Variants in GFPT2 observed in about 807,000 individuals in gnomAD.
GFPT2 encodes glutamine--fructose-6-phosphate aminotransferase [isomerizing] 2.
A neutral mutation model predicts 85.6 loss-of-function variants in GFPT2; 62 were observed. The observed-to-expected ratio is 0.72, with a 90% CI of 0.59 to 0.90. The LOEUF is 0.90. GFPT2 is among the 40% of genes least tolerant of loss of function. The probability of loss-of-function intolerance (pLI) is 0.00; values close to 1 mark genes in which losing one functional copy is unlikely to be tolerated. For synonymous variants in GFPT2, 368 were observed against 344.5 expected, an observed-to-expected ratio of 1.07 and a Z score of -0.75; for missense variants, 788 against 893.4, an observed-to-expected ratio of 0.88 and a Z score of 1.50.
chr5:180,343,552 C>T (rs1350389653), intron 1 of GFPT2, among the ~76,000 whole-genome samples: 2 of 152,266 alleles, frequency 1.3e-5, no homozygotes, highest in Admixed American at 6.5e-5. Flanking sequence ...GACATCCCTT[C>T]GGTCACTTCT....
chr5:180,315,215 T>C (rs1763979580), intron 13 of GFPT2, among the ~76,000 whole-genome samples: 1 of 151,810 alleles, frequency 6.6e-6, no homozygotes, highest in African/African-American at 2.4e-5. Flanking sequence ...TCTCGCTCTG[T>C]CGCCCAGGCT....
At chr5:180,342,938 A>C (rs1561884317) in intron 1 of GFPT2, among the ~76,000 whole-genome samples, 2 of 152,034 alleles carry the variant, frequency 1.3e-5, no homozygotes, top group African/African-American at 4.8e-5. Flanking sequence ...AGAAAGAAAA[A>C]AACAACAACC....
chr5:180,335,771 C>T, intron 4 of GFPT2, 57 bp downstream of exon 4: 1 of 1,565,608 alleles, frequency 6.4e-7, no homozygotes, highest in South Asian at 1.2e-5. Context: ...CGGGCACTGG[C>T]CCTGACACAG....
chr5:180,328,409 T>C lies in GFPT2; in HGVS notation c.535-71A>G. 8.3e-7 allele frequency: 1 copy of C among 1,207,666 alleles called. No individual in the cohort carries two copies. The highest frequency in any genetic ancestry group is 1.2e-5 in the South Asian group (1 of 83,002). 74.8% of individuals were successfully genotyped at this position (1,207,666 alleles called of 1,614,324 possible). On this transcript the variant is annotated intron_variant, in intron 6 of 18. Coordinates refer to ENST00000253778, the MANE Select transcript of GFPT2 (RefSeq NM_005110.4). The surrounding 1 kb of genome is among the most constrained non-coding windows in gnomAD (Gnocchi z 5.4). ...TGCTGCAGCCTGGCCACAGCCCAGGTGCGTCTCCCTGGGCCCCTCCTGATG... is the reference window on the plus strand; with the variant it reads ...TGCTGCAGCCTGGCCACAGCCCAGGCGCGTCTCCCTGGGCCCCTCCTGATG...
chr5:180,349,478 A>G (rs1764669182), intron 1 of GFPT2, among the ~76,000 whole-genome samples: 1 of 152,196 alleles, frequency 6.6e-6, no homozygotes. Context: ...GCTATACCAT[A>G]AAGTTATAAA....
At chr5:180,305,052 A>G in intron 16 of GFPT2, 113 bp from the exon 17 acceptor site, 1 of 756,060 alleles carries the variant, frequency 1.3e-6, no homozygotes, top group Non-Finnish European at 2.3e-6. Flanking sequence ...GCAGAGAGCC[A>G]AGGGTTGCAA....
chr5:180,350,610 C>T (rs1324610653), intron 1 of GFPT2, among the ~76,000 whole-genome samples: 1 of 152,108 alleles, frequency 6.6e-6, no homozygotes, highest in East Asian at 1.9e-4. Flanking sequence ...CCACTAGTGG[C>T]TGAATGAAAA....
intron 7 of GFPT2, among the ~76,000 whole-genome samples, chr5:180,325,455 G>C (rs2127652549): frequency 6.6e-6 from 1 of 152,168 alleles, no homozygotes; most frequent in South Asian, 2.1e-4. Context: ...GTGGTTTTTT[G>C]TCTCTGCCAA....
At chr5:180,324,591 A>G in intron 8 of GFPT2, 1 of 592,222 alleles carries the variant, frequency 1.7e-6, no homozygotes, top group African/African-American at 1.9e-5. Context: ...TATGTTTGAC[A>G]ATATACAAAA....
Position 180,330,768 on chromosome 5 carries a change from C to A in GFPT2, c.466G>T (p.Val156Leu). ...TETIAKLIKYVFDNRETEDIT... is the reference protein window; with the variant it reads ...TETIAKLIKYLFDNRETEDIT... The stretch of plus-strand genomic sequence containing the variant: ...TCCTCAGTTTCTCTGTTGTCGAACA[C>A]ATATTTAATCAGCTTGGCGATGGTC... Residue 156 changes from valine to leucine, a missense_variant, in exon 6 of 19, where the codon GTG becomes TTG. Physicochemically the swap from Val to Leu is conservative, Grantham distance 32. Coordinates refer to ENST00000253778, the MANE Select transcript of GFPT2 (RefSeq NM_005110.4). This position sits in a 1 kb window ranked among gnomAD's most constrained non-coding sequence, Gnocchi z 4.4. The A allele has an allele frequency of 1.2e-6, 2 of 1,612,806 alleles. No homozygotes were observed. Among genetic ancestry groups the A allele is most frequent in the South Asian group, 1.1e-5 (1 of 91,064 alleles).
At chr5:180,329,391 A>G (rs1395556320) in intron 6 of GFPT2, among the ~76,000 whole-genome samples, 1 of 152,248 alleles carries the variant, frequency 6.6e-6, no homozygotes, top group East Asian at 1.9e-4. Context: ...TTCTCTGCCA[A>G]AAAGAGCCCG....
intron 1 of GFPT2, among the ~76,000 whole-genome samples, chr5:180,347,154 G>C (rs190530043): frequency 6.6e-6 from 1 of 152,380 alleles, no homozygotes; most frequent in Non-Finnish European, 1.5e-5. Context: ...GGGATTGAGA[G>C]GCCAGGAGAG....
At chr5:180,335,589 C>T (rs1000740672) in intron 4 of GFPT2, among the ~76,000 whole-genome samples, 2 of 152,262 alleles carry the variant, frequency 1.3e-5, no homozygotes, top group Non-Finnish European at 2.9e-5. Flanking sequence ...TAAGTGCCAT[C>T]GTTTTCCTGT....
intron 15 of GFPT2, among the ~76,000 whole-genome samples, chr5:180,309,692 A>C (rs1763841427): frequency 6.6e-6 from 1 of 152,252 alleles, no homozygotes; most frequent in East Asian, 1.9e-4. Flanking sequence ...GATTACAGGC[A>C]TGAGCCACCA....
At chr5:180,335,054 C>T (rs560354573) in intron 4 of GFPT2, among the ~76,000 whole-genome samples, 14 of 152,312 alleles carry the variant, frequency 9.2e-5, no homozygotes, top group African/African-American at 2.9e-4. Flanking sequence ...GGTGACTGGG[C>T]GAACAGGAGA....
Position 180,303,130 on chromosome 5 carries a change from T to C in GFPT2, c.1843-546A>G, listed in dbSNP as rs1763711634. On this transcript the variant is annotated intron_variant, in intron 17 of 18. Coordinates refer to ENST00000253778, the MANE Select transcript of GFPT2 (RefSeq NM_005110.4). ...CTGTAGTCCCAGCTACTGGGGAGGCTGAGGCAGGAGAATGGCGTGAACCTG... is the reference window on the plus strand; with the variant it reads ...CTGTAGTCCCAGCTACTGGGGAGGCCGAGGCAGGAGAATGGCGTGAACCTG... Among the ~76,000 whole-genome samples, 2 of 146,252 alleles carry C rather than the reference T, an allele frequency of 1.4e-5. 1 individual carries two copies. Among genetic ancestry groups the C allele is most frequent in the Non-Finnish European group, 3.0e-5 (2 of 65,640 alleles).
intron 1 of GFPT2, among the ~76,000 whole-genome samples, chr5:180,352,039 G>T (rs569401289): frequency 6.2e-4 from 94 of 152,212 alleles, no homozygotes; most frequent in Non-Finnish European, 9.6e-4. Flanking sequence ...TACACATGGA[G>T]AATGGCGTCT....
chr5:180,307,940 G>A (rs981857078), intron 15 of GFPT2, among the ~76,000 whole-genome samples: 9 of 152,068 alleles, frequency 5.9e-5, no homozygotes, highest in Non-Finnish European at 7.4e-5. Flanking sequence ...GTAAAACCCC[G>A]TCTCTACTAA....
Position 180,353,279 on chromosome 5 carries a change from T to C in GFPT2, c.-62A>G, listed in dbSNP as rs1764754140. On this transcript the variant is annotated 5_prime_UTR_variant, in exon 1 of 19. Coordinates refer to ENST00000253778, the MANE Select transcript of GFPT2 (RefSeq NM_005110.4). ...GGTCTGCCCGTTCGGACGCTGGGGC[T>C]CCTCCGTGGGCTCCTCCGTGGGCTC... The C allele has an allele frequency of 1.6e-6, 2 of 1,223,486 alleles. No individual in the cohort carries two copies. Among genetic ancestry groups the C allele is most frequent in the Admixed American group, 4.2e-5 (1 of 23,558 alleles). The allele number at this position is 1,223,486 out of a possible 1,614,324, so 75.8% of individuals were successfully genotyped here.
Sources: gnomAD v4.1 joint callset for allele counts (sites outside exome capture counted in the v4.1 genomes callset) on GRCh38, gnomAD v4.1.1 for gene constraint, Gnocchi (gnomAD v3.1) non-coding constraint, MANE v1.5 for transcripts, NCBI Gene and HGNC (gene_info 2026-07-23, HGNC 2026-07-21) for gene names.